The following PIP5K1C variants were observed in gnomAD, a reference collection of about 807,000 sequenced individuals.
PIP5K1C encodes the protein phosphatidylinositol 4-phosphate 5-kinase type-1 gamma.
PIP5K1C carries 45 observed loss-of-function variants against 80.1 expected under a neutral mutation model. The observed-to-expected ratio is 0.56, with a 90% CI of 0.44 to 0.72. The LOEUF (loss-of-function observed/expected upper bound fraction) is 0.72. PIP5K1C is among the 30% of genes least tolerant of loss of function. PIP5K1C has a pLI of 0.00. For synonymous variants in PIP5K1C, 498 were observed against 420.1 expected (o/e 1.19, Z -2.27); for missense variants, 753 against 954.6 (o/e 0.79, Z 2.78).
intron 5 of PIP5K1C, among the ~76,000 whole-genome samples, chr19:3,660,240 C>T (rs933974413): frequency 7.9e-5 from 12 of 152,186 alleles, no homozygotes; most frequent in South Asian, 2.1e-4. Flanking sequence ...ATTAGCCGGG[C>T]GTGGTGGCAG....
intron 5 of PIP5K1C, among the ~76,000 whole-genome samples, chr19:3,660,565 G>A (rs996404244): frequency 2.6e-5 from 4 of 152,138 alleles, no homozygotes; most frequent in Non-Finnish European, 5.9e-5. Context: ...CCGACTCTAC[G>A]CTGGTCCCCA....
chr19:3,675,106 A>G (rs971973172), intron 1 of PIP5K1C, among the ~76,000 whole-genome samples: 2 of 152,218 alleles, frequency 1.3e-5, no homozygotes, highest in Non-Finnish European at 2.9e-5. Flanking sequence ...ATGGAGAGTG[A>G]CAGCCGCCAG....
In PIP5K1C at chr19:3,648,601, A is replaced by G. The variant is rs72620514; in HGVS notation, c.1211+24T>C. 0.043 allele frequency: 67,726 copies of G among 1,586,574 alleles called. 2,621 individuals carry two copies. Among genetic ancestry groups the G allele is most frequent in the East Asian group, 0.19 (8,211 of 44,362 alleles). ...CTGCAGACCCGGGGCGTCCACCTGT[A>G]GGACTGCAGACCCGGGCACCCACCT... On this transcript the variant is annotated intron_variant, in intron 9 of 17. Coordinates refer to ENST00000335312, the MANE Select transcript of PIP5K1C (RefSeq NM_012398.3). This position sits in a 1 kb window ranked among gnomAD's most constrained non-coding sequence, Gnocchi z 4.3.
chr19:3,633,725 T>TGGCGG (rs1203261476), intron 16 of PIP5K1C, among the ~76,000 whole-genome samples: 1 of 151,670 alleles, frequency 6.6e-6, no homozygotes, highest in Admixed American at 6.6e-5. Context: ...CAGCTCAGCT[T>TGGCGG]GGCGGGGCGG....
At chr19:3,642,475 G>A (rs1282161535) in intron 14 of PIP5K1C, among the ~76,000 whole-genome samples, 1 of 152,174 alleles carries the variant, frequency 6.6e-6, no homozygotes, top group Non-Finnish European at 1.5e-5. Flanking sequence ...GGCGTGCACG[G>A]GTGTGCCCAT....
At chr19:3,663,595 CCT>C (rs936207842) in intron 3 of PIP5K1C, among the ~76,000 whole-genome samples, 15 of 152,204 alleles carry the variant, frequency 9.9e-5, no homozygotes, top group African/African-American at 3.1e-4. Flanking sequence ...GGGAGGATCC[CCT>C]GAGCCTGGGA....
At chr19:3,658,995 A>G (rs1189761981) in intron 5 of PIP5K1C, among the ~76,000 whole-genome samples, 1 of 152,142 alleles carries the variant, frequency 6.6e-6, no homozygotes, top group East Asian at 1.9e-4. Flanking sequence ...ACCACTGGGC[A>G]GGGCTGAGCC....
chr19:3,654,398 G>A (rs1351405294), intron 6 of PIP5K1C, among the ~76,000 whole-genome samples: 4 of 152,378 alleles, frequency 2.6e-5, no homozygotes, highest in Admixed American at 6.5e-5. Context: ...CACAGGGAGA[G>A]GAGTGAGGGG....
chr19:3,679,251 C>G (rs2035513379), intron 1 of PIP5K1C, among the ~76,000 whole-genome samples: 1 of 152,180 alleles, frequency 6.6e-6, no homozygotes, highest in South Asian at 2.1e-4. Flanking sequence ...ACAGAGGATG[C>G]CCCCAAGCTC....
intron 1 of PIP5K1C, among the ~76,000 whole-genome samples, chr19:3,679,874 G>A (rs1470421735): frequency 6.6e-6 from 1 of 152,230 alleles, no homozygotes; most frequent in Non-Finnish European, 1.5e-5. Context: ...GGCAACTGGA[G>A]CCTAGAACGT....
intron 8 of PIP5K1C, chr19:3,649,891 T>G (rs1449263330): frequency 3.5e-6 from 1 of 281,988 alleles, no homozygotes; most frequent in Non-Finnish European, 6.9e-6. Flanking sequence ...CCCAGCGCGG[T>G]TAGTGAGGCC....
intron 2 of PIP5K1C, among the ~76,000 whole-genome samples, chr19:3,666,365 G>A (rs748675837): frequency 1.3e-5 from 2 of 152,232 alleles, no homozygotes; most frequent in African/African-American, 4.8e-5. Context: ...TCGGCGCCAC[G>A]GGGCTGGCAG....
chr19:3,653,826 G>A (rs977996275), intron 6 of PIP5K1C, among the ~76,000 whole-genome samples: 6 of 152,220 alleles, frequency 3.9e-5, no homozygotes, highest in African/African-American at 1.4e-4. Context: ...ACAGAGCCAG[G>A]CCCCAAGGCA....
In PIP5K1C at chr19:3,633,203, G is replaced by A. The variant is rs1170080481; in HGVS notation, c.2005-34C>T. 1.6e-5 allele frequency: 12 copies of A among 757,068 alleles called. No individual in the cohort carries two copies. In the Admixed American group the frequency reaches 2.2e-4, roughly 14 times the overall value. The allele number at this position is 757,068 out of a possible 1,614,324, so 46.9% of individuals were successfully genotyped here. Reference sequence around the variant, plus strand: ...GCAAGAGGACAGGTGAAGGTGGGCGGGGCGAGGGCCCACCCCAGGCCCCCT... The same window carrying A: ...GCAAGAGGACAGGTGAAGGTGGGCGAGGCGAGGGCCCACCCCAGGCCCCCT... On this transcript the variant is annotated intron_variant, in intron 17 of 17. Transcript: ENST00000335312.
intron 1 of PIP5K1C, among the ~76,000 whole-genome samples, chr19:3,676,762 C>T (rs957369465): frequency 7.2e-5 from 11 of 152,168 alleles, no homozygotes; most frequent in Non-Finnish European, 1.6e-4. Context: ...TCACGTCCCC[C>T]CAAAATACTA....
rs958323248 is a variant in PIP5K1C at position 3,648,029 on chromosome 19, T to C, written c.1211+596A>G. Among the ~76,000 whole-genome samples the C allele has an allele frequency of 6.7e-6, 1 of 149,472 alleles. No individual in the cohort carries two copies. The highest frequency in any genetic ancestry group is 6.7e-5 in the Admixed American group (1 of 15,034). ...AACCCACTCCTTGGATTTTCTTTTT[T>C]CTTTTTTTTTGGGACAGGGTCTTGC... is the stretch of plus-strand genomic sequence containing the variant. On this transcript the variant is annotated intron_variant, in intron 9 of 17. Transcript: ENST00000335312. This position sits in a 1 kb window ranked among gnomAD's most constrained non-coding sequence, Gnocchi z 4.3.
chr19:3,652,130 G>A, intron 7 of PIP5K1C, 99 bp from the exon 8 acceptor site: 2 of 1,118,504 alleles, frequency 1.8e-6, no homozygotes, highest in South Asian at 1.3e-5. Context: ...ATGGCCCCGT[G>A]GGCTCGGGTG....
At chr19:3,690,279 T>C (rs2145607357) in intron 1 of PIP5K1C, among the ~76,000 whole-genome samples, 1 of 151,954 alleles carries the variant, frequency 6.6e-6, no homozygotes, top group East Asian at 1.9e-4. Context: ...AGAGGATCAC[T>C]TGAGGCCAGG....
intron 16 of PIP5K1C, among the ~76,000 whole-genome samples, chr19:3,638,442 A>G (rs1248022076): frequency 6.6e-6 from 1 of 152,192 alleles, no homozygotes; most frequent in East Asian, 1.9e-4. Context: ...CAACAGGGAG[A>G]AGGTCCTGCC....
Sources: allele counts gnomAD v4.1 joint callset (sites outside exome capture counted in the v4.1 genomes callset), GRCh38; gene constraint gnomAD v4.1.1; non-coding constraint Gnocchi (gnomAD v3.1); transcripts MANE v1.5; gene names NCBI Gene and HGNC (gene_info 2026-07-23, HGNC 2026-07-21).